SSBP2: variants seen among roughly 807,000 people sequenced by gnomAD.
SSBP2 encodes the protein single-stranded DNA-binding protein 2.
In SSBP2, 17 loss-of-function variants were observed where a neutral mutation model predicts 61.8. The observed-to-expected ratio is 0.28, with a 90% CI of 0.19 to 0.41. The LOEUF (loss-of-function observed/expected upper bound fraction) is 0.41. Ranked by LOEUF, SSBP2 falls within the 10% of genes least tolerant of loss-of-function variation. The pLI, the probability that SSBP2 is intolerant of heterozygous loss-of-function variation, is 1.00. For synonymous variants in SSBP2, 139 were observed against 141.3 expected (o/e 0.98, Z 0.12); for missense variants, 310 against 458.7 (o/e 0.68, Z 2.96).
intron 1 of SSBP2, among the ~76,000 whole-genome samples, chr5:81,723,382 C>T (rs1755668432): frequency 6.6e-6 from 1 of 151,792 alleles, no homozygotes; most frequent in African/African-American, 2.4e-5. Context: ...AATTAATTTC[C>T]CCCAACTCCA....
chr5:81,648,370 T>C (rs559690488), intron 2 of SSBP2, among the ~76,000 whole-genome samples: 2 of 152,294 alleles, frequency 1.3e-5, no homozygotes, highest in Admixed American at 1.3e-4. Flanking sequence ...ATTCCTTCTA[T>C]AGTAAAACAA....
intron 4 of SSBP2, among the ~76,000 whole-genome samples, chr5:81,590,405 T>TA (rs928641513): frequency 2.0e-5 from 3 of 152,166 alleles, no homozygotes; most frequent in East Asian, 1.9e-4. Flanking sequence ...GCAGCTTATG[T>TA]AAAAAATCCC....
intron 4 of SSBP2, among the ~76,000 whole-genome samples, chr5:81,569,303 C>A (rs1289514597): frequency 6.6e-6 from 1 of 152,230 alleles, no homozygotes; most frequent in Middle Eastern, 3.4e-3. Flanking sequence ...CTTGTGCTGA[C>A]CCTTTACACC....
intron 1 of SSBP2, among the ~76,000 whole-genome samples, chr5:81,741,350 T>C (rs1357200288): frequency 3.3e-5 from 5 of 152,168 alleles, no homozygotes; most frequent in Admixed American, 6.5e-5. Context: ...GGGGAGTGAT[T>C]GTTTAATGAG....
chr5:81,466,252 G>A (rs775375139), intron 9 of SSBP2, among the ~76,000 whole-genome samples: 13 of 152,080 alleles, frequency 8.5e-5, no homozygotes, highest in Non-Finnish European at 1.6e-4. Context: ...AAGACTTGGA[G>A]GGCAAGCTGG....
intron 10 of SSBP2, among the ~76,000 whole-genome samples, chr5:81,452,666 A>T (rs1226313892): frequency 1.3e-5 from 2 of 152,178 alleles, no homozygotes; most frequent in African/African-American, 4.8e-5. Context: ...TAGGTTTTCA[A>T]CGTGGTGACT....
At chr5:81,450,035 T>C (rs1457126975) in intron 10 of SSBP2, among the ~76,000 whole-genome samples, 3 of 152,142 alleles carry the variant, frequency 2.0e-5, no homozygotes, top group African/African-American at 7.2e-5. Flanking sequence ...CCTCCGCTTC[T>C]CATTTTCTTG....
chr5:81,562,425 T>C (rs1008623001), intron 4 of SSBP2, among the ~76,000 whole-genome samples: 3 of 152,176 alleles, frequency 2.0e-5, no homozygotes, highest in African/African-American at 7.2e-5. Context: ...TACTGCACTT[T>C]ATAAGAGATA....
chr5:81,673,904 G>A (rs191796550), intron 1 of SSBP2, among the ~76,000 whole-genome samples: 100 of 152,284 alleles, frequency 6.6e-4, no homozygotes, highest in Non-Finnish European at 9.8e-4. Flanking sequence ...TGGGAGTTGG[G>A]ATATAGAAGT....
At chr5:81,512,853 C>T (rs192059506) in intron 5 of SSBP2, among the ~76,000 whole-genome samples, 2 of 152,120 alleles carry the variant, frequency 1.3e-5, no homozygotes. Context: ...CAGCATATTA[C>T]CTTAGGTCCT....
chr5:81,547,036 CA>C (rs61254614), intron 4 of SSBP2, among the ~76,000 whole-genome samples: 18 of 53,876 alleles, frequency 3.3e-4, no homozygotes, highest in Non-Finnish European at 4.1e-4. Context: ...AAATCTTGGC[CA>C]AAAAAAAAAA....
intron 1 of SSBP2, among the ~76,000 whole-genome samples, chr5:81,669,225 T>C (rs1227851449): frequency 1.3e-5 from 2 of 152,210 alleles, no homozygotes; most frequent in Non-Finnish European, 2.9e-5. Flanking sequence ...TTTTCCTTCA[T>C]TGCTGGTGGG....
chr5:81,728,295 G>A (rs1427015425), intron 1 of SSBP2, among the ~76,000 whole-genome samples: 3 of 152,092 alleles, frequency 2.0e-5, no homozygotes, highest in Non-Finnish European at 2.9e-5. Flanking sequence ...AACAAAAACG[G>A]CGACAATACA....
At chr5:81,723,645 T>C (rs1448667762) in intron 1 of SSBP2, among the ~76,000 whole-genome samples, 1 of 152,030 alleles carries the variant, frequency 6.6e-6, no homozygotes, top group African/African-American at 2.4e-5. Flanking sequence ...ACATCAAGAA[T>C]ATATTTAAAG....
intron 1 of SSBP2, among the ~76,000 whole-genome samples, chr5:81,737,588 C>A (rs1756706687): frequency 6.6e-6 from 1 of 151,306 alleles, no homozygotes; most frequent in East Asian, 2.0e-4. Flanking sequence ...TGAGACCATA[C>A]TGGCTAACAC....
chr5:81,461,770 T>C (rs1357296249), intron 9 of SSBP2, among the ~76,000 whole-genome samples: 1 of 152,172 alleles, frequency 6.6e-6, no homozygotes, highest in Non-Finnish European at 1.5e-5. Flanking sequence ...TGCCAATATA[T>C]TACTTCATTT....
intron 1 of SSBP2, among the ~76,000 whole-genome samples, chr5:81,658,994 T>A (rs1750463024): frequency 6.6e-6 from 1 of 152,146 alleles, no homozygotes; most frequent in Non-Finnish European, 1.5e-5. Flanking sequence ...CTCAATAAAC[T>A]AGGTATTGAT....
intron 4 of SSBP2, among the ~76,000 whole-genome samples, chr5:81,603,090 C>A (rs1744536568): frequency 6.6e-6 from 1 of 152,184 alleles, no homozygotes; most frequent in Non-Finnish European, 1.5e-5. Flanking sequence ...CCATCCCAAA[C>A]TTAGTGGTAG....
At chr5:81,531,072 CCAAAA>C (rs1032429737) in intron 4 of SSBP2, among the ~76,000 whole-genome samples, 1 of 150,774 alleles carries the variant, frequency 6.6e-6, no homozygotes, top group South Asian at 2.1e-4. Context: ...CAAAACCAAA[CCAAAA>C]CAAAACAAAA....
Sources: gnomAD v4.1 joint callset for allele counts (sites outside exome capture counted in the v4.1 genomes callset) on GRCh38, gnomAD v4.1.1 for gene constraint, MANE v1.5 for transcripts, NCBI Gene and HGNC (gene_info 2026-07-23, HGNC 2026-07-21) for gene names.